Variants in STARD9 observed in about 807,000 individuals in gnomAD.
STARD9 encodes the protein StAR related lipid transfer domain containing 9, also known as stAR-related lipid transfer protein 9.
Under a neutral mutation model 399.8 loss-of-function variants are expected in STARD9, and 346 were observed. The ratio of observed to expected loss-of-function variants is 0.87; its 90% CI spans 0.79 to 0.95. The LOEUF (loss-of-function observed/expected upper bound fraction) is 0.95. STARD9 is among the 40% of genes least tolerant of loss of function. The pLI is 0.00. For missense variants in STARD9, 5,832 were observed against 5,667.5 expected, an observed-to-expected ratio of 1.03 and a Z score of -0.93; for synonymous variants, 2,203 against 2,143.5, an observed-to-expected ratio of 1.03 and a Z score of -0.77.
At position 42,688,204 on chromosome 15, in the gene STARD9, C is replaced by G. The variant is rs1353543984; in HGVS notation, c.6626C>G (p.Ala2209Gly). The change falls in exon 23 of 33, where the codon GCT becomes GGT. Residue 2209 changes from alanine (A) to glycine (G), a missense_variant. Ala to Gly is a moderately conservative substitution (Grantham distance 60). Coordinates refer to ENST00000290607, the MANE Select transcript of STARD9 (RefSeq NM_020759.3). ...CAGAGAATGAAAGCATTGGCTAGAG[C>G]TCTGCCATTGCAACCCAGGCTAGAG... is the stretch of plus-strand genomic sequence containing the variant. The part of the protein sequence containing the change: ...HPQRMKALAR[A>G]LPLQPRLERS... The G allele has an allele frequency of 3.3e-6, 5 of 1,537,404 alleles. No homozygotes were observed. Among genetic ancestry groups the G allele is most frequent in the Non-Finnish European group, 3.5e-6 (4 of 1,146,960 alleles).
chr15:42,690,289 G>A lies in STARD9; in HGVS notation c.8711G>A (p.Arg2904Lys). ...AGGCCAATTCCACTGCCAGATCAAA[G>A]ACCAAGCGCAAATCCTGGGGGAATT... ...HSRPIPLPDQ[R>K]PSANPGGIGE... Residue 2904 changes from arginine to lysine, a missense_variant, in exon 23 of 33, where the codon AGA becomes AAA. By Grantham distance (26) the Arg-to-Lys change is conservative. Coordinates refer to ENST00000290607, the MANE Select transcript of STARD9 (RefSeq NM_020759.3). 6.5e-7 allele frequency: 1 copy of A among 1,537,320 alleles called. No homozygotes were observed. The highest frequency in any genetic ancestry group is 8.7e-7 in the Non-Finnish European group (1 of 1,146,928).
intron 26 of STARD9, among the ~76,000 whole-genome samples, 189 bp from the exon 27 acceptor site, chr15:42,716,488 A>C (rs898267826): frequency 6.6e-6 from 1 of 152,140 alleles, no homozygotes; most frequent in Non-Finnish European, 1.5e-5. Flanking sequence ...GGGGGAGCAG[A>C]GATCGTCTAG....
rs1361140930 is a variant in STARD9, at chr15:42,689,114, T to C, written c.7536T>C (p.Thr2512=). The change falls in exon 23 of 33, where the codon ACT becomes ACC. Residue 2512 remains threonine (T), a synonymous_variant. Transcript: ENST00000290607. ...CAAGGCAGAAGGCAGAGAAGGAGACTGAGGACGTCGGACTGACCAGCGGTG... is the reference window on the plus strand; with the variant it reads ...CAAGGCAGAAGGCAGAGAAGGAGACCGAGGACGTCGGACTGACCAGCGGTG... ...SKPRQKAEKE[T]EDVGLTSGVS... is the part of the protein sequence containing the mutation. 7.8e-6 allele frequency: 12 copies of C among 1,537,166 alleles called. No individual in the cohort carries two copies. The highest frequency in any genetic ancestry group is 1.4e-5 in the African/African-American group (1 of 73,062).
In STARD9 at chr15:42,681,512, C is replaced by G. The variant is rs2060427309; in HGVS notation, c.1965C>G (p.Ser655Arg). Residue 655 changes from serine to arginine, a missense_variant, in exon 21 of 33, where the codon AGC becomes AGG. Coordinates refer to ENST00000290607, the MANE Select transcript of STARD9 (RefSeq NM_020759.3). ...GGGCCCAGATTCAGCAGCAGCAGAG[C>G]TACGTAGAGGATTTGAGGCATCAAA... ...SHRAQIQQQQ[S>R]YVEDLRHQIL... is the part of the protein sequence containing the mutation. The G allele has an allele frequency of 6.5e-7, 1 of 1,537,022 alleles. No individual in the cohort carries two copies. The highest frequency in any genetic ancestry group is 1.2e-5 in the South Asian group (1 of 84,050).
intron 22 of STARD9, 97 bp from the exon 23 acceptor site, chr15:42,684,019 T>C (rs2140220198): frequency 7.5e-7 from 1 of 1,336,768 alleles, no homozygotes; most frequent in Non-Finnish European, 1.0e-6. Flanking sequence ...CTGAAGTCTA[T>C]AGGAGACAGT....
intron 8 of STARD9, among the ~76,000 whole-genome samples, chr15:42,651,971 A>G (rs2059770274): frequency 6.6e-6 from 1 of 152,168 alleles, no homozygotes; most frequent in Non-Finnish European, 1.5e-5. Context: ...TCTAAGGGAG[A>G]CTGTGAATTC....
intron 14 of STARD9, 70 bp downstream of exon 14, chr15:42,665,400 A>AG (rs1161626055): frequency 7.0e-6 from 9 of 1,286,732 alleles, no homozygotes; most frequent in Admixed American, 4.0e-5. Flanking sequence ...TCTTCTCCAT[A>AG]GAGTCTGGGC....
rs888459002 is a variant in STARD9, at chr15:42,691,256, C to T, written c.9678C>T (p.Phe3226=). 3 of 1,537,106 alleles carry T rather than the reference C, an allele frequency of 2.0e-6. No individual in the cohort carries two copies. The highest frequency in any genetic ancestry group is 1.2e-5 in the South Asian group (1 of 84,068). The change falls in exon 23 of 33, where the codon TTC becomes TTT. Residue 3226 remains phenylalanine (F), a synonymous_variant. Transcript: ENST00000290607. ...AGGCTTCAGGTGGTGGAGAAGGCTT[C>T]GCCCAGGGTGTGAATCCCCTTCCTG... ...RDQASGGGEG[F]AQGVNPLPDE... is the part of the protein sequence containing the mutation.
In STARD9 at chr15:42,682,282, G is replaced by A. The variant is rs1250974684; in HGVS notation, c.2244G>A (p.Leu748=). The stretch of plus-strand genomic sequence containing the variant: ...AAAGTCAGAAAAGGGTGGTGCACCT[G>A]CAGCTCCTGCGGAGACACACTCTTC... The part of the protein sequence containing the change: ...FVQSQKRVVH[L]QLLRRHTLRA... The change falls in exon 22 of 33, where the codon CTG becomes CTA. Residue 748 remains leucine, a synonymous_variant. Coordinates refer to ENST00000290607, the MANE Select transcript of STARD9 (RefSeq NM_020759.3). The A allele has an allele frequency of 5.2e-6, 8 of 1,537,288 alleles. No homozygotes were observed. The South Asian group carries it at 7.1e-5, about 14-fold the overall frequency.
chr15:42,710,082 CAG>C (rs2061178646), intron 26 of STARD9, among the ~76,000 whole-genome samples: 1 of 128,358 alleles, frequency 7.8e-6, no homozygotes, highest in Non-Finnish European at 1.6e-5. Context: ...TTTTTTGAGA[CAG>C]GGTCTTGCCG....
intron 3 of STARD9, among the ~76,000 whole-genome samples, chr15:42,618,713 C>T (rs565841251): frequency 2.3e-4 from 35 of 152,114 alleles, no homozygotes; most frequent in Non-Finnish European, 3.8e-4. Context: ...TCTCCTGCCG[C>T]AGCCTCCCGA....
chr15:42,586,162 G>C (rs1403516056), intron 3 of STARD9, among the ~76,000 whole-genome samples: 18 of 152,232 alleles, frequency 1.2e-4, no homozygotes, highest in Admixed American at 1.2e-3. Context: ...CTCAGGTAGT[G>C]TTCTGCTCCT....
At position 42,692,685 on chromosome 15, in the gene STARD9, G is replaced by A. The variant is rs2060739303; in HGVS notation, c.11107G>A (p.Val3703Met). ...ELLGSLSQPD[V>M]ARREQNTKRD... The stretch of plus-strand genomic sequence containing the variant: ...GCTTGGGAGTCTCTCCCAGCCAGAT[G>A]TGGCCAGAAGGGAGCAGAACACCAA... Residue 3703 changes from valine to methionine, a missense_variant, in exon 23 of 33, where the codon GTG becomes ATG. Val to Met is a conservative substitution (Grantham distance 21). Around this residue, in one of 2 missense-constraint regions of STARD9, gnomAD observed 5,828 missense variants for 5,651.1 expected, o/e 1.03. Coordinates refer to ENST00000290607, the MANE Select transcript of STARD9 (RefSeq NM_020759.3). 1 of 1,537,064 alleles carries A rather than the reference G, an allele frequency of 6.5e-7. No homozygotes were observed. Among genetic ancestry groups the A allele is most frequent in the African/African-American group, 1.4e-5 (1 of 73,024 alleles).
At chr15:42,618,762 A>G (rs1365053275) in intron 3 of STARD9, among the ~76,000 whole-genome samples, 2 of 150,930 alleles carry the variant, frequency 1.3e-5, no homozygotes, top group East Asian at 1.9e-4. Flanking sequence ...ACGCCTGGCT[A>G]ATTTTTGTAT....
chr15:42,663,867 A>C lies in STARD9; in HGVS notation c.1126A>C (p.Arg376=), dbSNP rs1029673177. 7 of 1,537,074 alleles carry C rather than the reference A, an allele frequency of 4.6e-6. No individual in the cohort carries two copies. The African/African-American group carries it at 8.2e-5, about 18-fold the overall frequency. ...TSYSETMSTL[R]YASSAKNIIN... is the part of the protein sequence containing the mutation. ...CTACAGTGAGACCATGAGCACACTG[A>C]GATATGCATCCAGTGCCAAAAACAT... The change falls in exon 13 of 33, where the codon AGA becomes CGA. Residue 376 remains arginine, a synonymous_variant. Coordinates refer to ENST00000290607, the MANE Select transcript of STARD9 (RefSeq NM_020759.3).
chr15:42,696,846 A>G (rs551420701), intron 26 of STARD9, among the ~76,000 whole-genome samples: 1 of 152,066 alleles, frequency 6.6e-6, no homozygotes, highest in Non-Finnish European at 1.5e-5. Flanking sequence ...ATGACAAGGA[A>G]CACTGGAGGG....
At position 42,685,900 on chromosome 15, in the gene STARD9, A is replaced by G. The variant is rs2060542553; in HGVS notation, c.4322A>G (p.Gln1441Arg). 1 of 1,537,060 alleles carries G rather than the reference A, an allele frequency of 6.5e-7. No individual in the cohort carries two copies. The highest frequency in any genetic ancestry group is 8.7e-7 in the Non-Finnish European group (1 of 1,146,932). The change falls in exon 23 of 33, where the codon CAG (glutamine) becomes CGG (arginine). Residue 1441 changes from glutamine (Q) to arginine (R), a missense_variant. Gln to Arg is a conservative substitution (Grantham distance 43). This residue lies in a region of STARD9 where 5,828 missense variants were observed against 5,651.1 expected (regional missense o/e 1.03). Transcript: ENST00000290607. ...LIQPGADGTFQGRCIPDMTQQ... is the reference protein window; with the variant it reads ...LIQPGADGTFRGRCIPDMTQQ... ...CAACCAGGAGCTGATGGCACCTTTC[A>G]GGGCAGATGTATCCCTGACATGACC...
intron 26 of STARD9, among the ~76,000 whole-genome samples, chr15:42,709,107 T>C (rs1308231466): frequency 6.6e-6 from 1 of 152,166 alleles, no homozygotes; most frequent in Non-Finnish European, 1.5e-5. Flanking sequence ...TTATGATTAA[T>C]GAACATGGCT....
chr15:42,669,467 T>A, intron 16 of STARD9, 130 bp downstream of exon 16: 1 of 839,966 alleles, frequency 1.2e-6, no homozygotes, highest in Non-Finnish European at 1.7e-6. Context: ...TGCCTTCAGG[T>A]TTGCTCTCAG....
Sources: gnomAD v4.1 joint callset for allele counts (sites outside exome capture counted in the v4.1 genomes callset) on GRCh38, gnomAD v4.1.1 for gene constraint, gnomAD v4.1.1 regional missense constraint, MANE v1.5 for transcripts, NCBI Gene and HGNC (gene_info 2026-07-23, HGNC 2026-07-21) for gene names.